PLA2R1: variants seen among roughly 807,000 people sequenced by gnomAD.
PLA2R1 encodes the protein phospholipase A2 receptor 1.
PLA2R1 carries 158 observed loss-of-function variants against 195.9 expected under a neutral mutation model. That is an observed-to-expected ratio of 0.81 (90% CI 0.71 to 0.92). The LOEUF is 0.92. Ranked by LOEUF, PLA2R1 falls within the 40% of genes least tolerant of loss-of-function variation. The pLI, the probability that PLA2R1 is intolerant of heterozygous loss-of-function variation, is 0.00. For missense variants in PLA2R1, 1,626 were observed against 1,764.6 expected, an observed-to-expected ratio of 0.92 and a Z score of 1.41; for synonymous variants, 586 against 598.2, an observed-to-expected ratio of 0.98 and a Z score of 0.30.
intron 19 of PLA2R1, among the ~76,000 whole-genome samples, chr2:159,968,906 T>C (rs1170508674): frequency 6.6e-6 from 1 of 152,186 alleles, no homozygotes; most frequent in African/African-American, 2.4e-5. Context: ...CCATTATAAA[T>C]TGGATATAGG....
chr2:159,982,471 A>G (rs532103811), intron 13 of PLA2R1, among the ~76,000 whole-genome samples: 1 of 152,340 alleles, frequency 6.6e-6, no homozygotes, highest in African/African-American at 2.4e-5. Flanking sequence ...GTTCTTAAAA[A>G]AGGGAATTGT....
chr2:160,033,246 G>T, intron 3 of PLA2R1, 114 bp from the exon 4 acceptor site: 1 of 731,204 alleles, frequency 1.4e-6, no homozygotes, highest in Non-Finnish European at 2.2e-6. Context: ...AAACTTCAGG[G>T]CCTTATCTAT....
intron 1 of PLA2R1, among the ~76,000 whole-genome samples, chr2:160,047,250 T>C (rs1449202642): frequency 1.3e-5 from 2 of 152,196 alleles, no homozygotes; most frequent in African/African-American, 2.4e-5. Context: ...GGAATATGTA[T>C]GGTACTGACC....
chr2:160,038,316 G>A (rs1181464074), intron 3 of PLA2R1, among the ~76,000 whole-genome samples: 3 of 152,240 alleles, frequency 2.0e-5, no homozygotes, highest in Non-Finnish European at 4.4e-5. Flanking sequence ...CTAGAAGTTT[G>A]TTAAAACACA....
intron 16 of PLA2R1, 66 bp downstream of exon 16, chr2:159,976,619 T>C (rs900046634): frequency 6.1e-6 from 6 of 991,338 alleles, no homozygotes; most frequent in Non-Finnish European, 1.6e-6. Flanking sequence ...ATTAATGGTA[T>C]ATAATAGCAC....
At chr2:159,991,782 AG>A (rs1209281482) in intron 11 of PLA2R1, among the ~76,000 whole-genome samples, 19 of 128,502 alleles carry the variant, frequency 1.5e-4, no homozygotes, top group Admixed American at 8.1e-5. Context: ...GTCCCTACAA[AG>A]GACATGAACT....
intron 17 of PLA2R1, among the ~76,000 whole-genome samples, chr2:159,971,130 G>T (rs1689141789): frequency 6.6e-6 from 1 of 152,024 alleles, no homozygotes; most frequent in African/African-American, 2.4e-5. Flanking sequence ...ATTTATATGT[G>T]TCAACATGGA....
chr2:160,006,848 G>A (rs1276978419), intron 10 of PLA2R1, among the ~76,000 whole-genome samples: 1 of 152,152 alleles, frequency 6.6e-6, no homozygotes, highest in Non-Finnish European at 1.5e-5. Flanking sequence ...TCCTTAACTT[G>A]CTAAGGGAAG....
intron 6 of PLA2R1, among the ~76,000 whole-genome samples, chr2:160,025,923 G>T (rs1693494264): frequency 6.6e-6 from 1 of 152,190 alleles, no homozygotes; most frequent in South Asian, 2.1e-4. Context: ...TATGTAGGAT[G>T]AACAAGTCTG....
intron 6 of PLA2R1, among the ~76,000 whole-genome samples, chr2:160,023,146 A>G (rs905034507): frequency 1.3e-5 from 2 of 152,204 alleles, no homozygotes; most frequent in African/African-American, 4.8e-5. Flanking sequence ...GATGGCCGAT[A>G]GAGACACCTG....
chr2:159,990,603 C>T (rs990949260), intron 11 of PLA2R1, among the ~76,000 whole-genome samples: 2 of 152,210 alleles, frequency 1.3e-5, no homozygotes, highest in African/African-American at 4.8e-5. Context: ...CTCTCACCTT[C>T]CCTCTCTCTC....
At chr2:160,058,257 G>A (rs1040066834) in intron 1 of PLA2R1, among the ~76,000 whole-genome samples, 7 of 151,954 alleles carry the variant, frequency 4.6e-5, no homozygotes, top group Non-Finnish European at 7.4e-5. Flanking sequence ...TCTTTCCGTC[G>A]GCGCAGCATG....
At chr2:160,059,157 C>T (rs1480361878) in intron 1 of PLA2R1, among the ~76,000 whole-genome samples, 2 of 152,166 alleles carry the variant, frequency 1.3e-5, no homozygotes, top group Non-Finnish European at 2.9e-5. Flanking sequence ...GGAGGTGGAG[C>T]TCAGACAGTA....
chr2:160,008,930 C>A (rs1368953033), intron 10 of PLA2R1, among the ~76,000 whole-genome samples: 1 of 152,094 alleles, frequency 6.6e-6, no homozygotes, highest in Non-Finnish European at 1.5e-5. Context: ...CACAGATAGC[C>A]AATAAGCACG....
intron 15 of PLA2R1, among the ~76,000 whole-genome samples, chr2:159,976,978 C>T (rs548308556): frequency 3.9e-4 from 59 of 152,326 alleles, no homozygotes; most frequent in Admixed American, 9.2e-4. Context: ...CAGGTGTTTC[C>T]ACTTACTCAT....
intron 6 of PLA2R1, among the ~76,000 whole-genome samples, chr2:160,024,406 C>A (rs1006144284): frequency 3.9e-5 from 6 of 152,158 alleles, no homozygotes; most frequent in South Asian, 2.1e-4. Flanking sequence ...TGGCTTATCA[C>A]CCTGCCTCCA....
chr2:160,010,862 A>T (rs750208870), intron 10 of PLA2R1, among the ~76,000 whole-genome samples: 2 of 152,114 alleles, frequency 1.3e-5, no homozygotes, highest in African/African-American at 4.8e-5. Flanking sequence ...TTGAATGTAG[A>T]CATGTTTTGG....
At chr2:159,976,264 A>G (rs1352470002) in intron 16 of PLA2R1, 39 bp from the exon 17 acceptor site, 2 of 1,483,860 alleles carry the variant, frequency 1.3e-6, no homozygotes, top group Non-Finnish European at 1.9e-6. Context: ...GAAATGATAA[A>G]TAGGTATGCT....
intron 17 of PLA2R1, among the ~76,000 whole-genome samples, chr2:159,971,285 ATGT>A (rs1218055885): frequency 1.3e-5 from 2 of 152,228 alleles, no homozygotes; most frequent in East Asian, 3.8e-4. Context: ...TGTATTAGTA[ATGT>A]TGTAGTGTTC....
Sources: allele counts gnomAD v4.1 joint callset (sites outside exome capture counted in the v4.1 genomes callset), GRCh38; gene constraint gnomAD v4.1.1; transcripts MANE v1.5; gene names NCBI Gene and HGNC (gene_info 2026-07-23, HGNC 2026-07-21).